RPL13: variants seen among roughly 807,000 people sequenced by gnomAD.
RPL13 encodes the protein ribosomal protein L13, also known as large ribosomal subunit protein eL13.
In RPL13, 1 loss-of-function variant was observed where a neutral mutation model predicts 21.4. The ratio of observed to expected loss-of-function variants is 0.05; its 90% confidence interval spans 0.02 to 0.22. RPL13 has a LOEUF of 0.22. Ranked by LOEUF, RPL13 falls within the 10% of genes least tolerant of loss-of-function variation. RPL13 has a pLI of 1.00. For synonymous variants in RPL13, 143 were observed against 120.5 expected, an observed-to-expected ratio of 1.19 and a Z score of -1.23; for missense variants, 289 against 303.0, an observed-to-expected ratio of 0.95 and a Z score of 0.34.
intron 2 of RPL13, 43 bp from the exon 3 acceptor site, chr16:89,561,184 G>T (rs1332182891): frequency 6.6e-7 from 1 of 1,517,496 alleles, no homozygotes; most frequent in East Asian, 2.5e-5. Flanking sequence ...CTGGCCTGGC[G>T]GCCTTAGGCA....
chr16:89,562,889 T>C lies in RPL13; in HGVS notation c.483T>C (p.Tyr161=). ...AACCTGTCTTTCTCTTCTAGGTCTA[T>C]AAGAAGGAGAAAGCTCGAGTCATCA... ...TGPVMPVRNV[Y]KKEKARVITE... is the part of the protein sequence containing the mutation. Residue 161 remains tyrosine (Y), a synonymous_variant, in exon 6 of 6, where the codon TAT becomes TAC. Coordinates refer to ENST00000311528, the MANE Select transcript of RPL13 (RefSeq NM_000977.4). 1.9e-6 allele frequency: 3 copies of C among 1,570,938 alleles called. No individual in the cohort carries two copies. The highest frequency in any genetic ancestry group is 2.6e-6 in the Non-Finnish European group (3 of 1,162,226).
At chr16:89,561,837 G>C (rs2058747438) in intron 4 of RPL13, 86 bp downstream of exon 4, 2 of 1,452,966 alleles carry the variant, frequency 1.4e-6, no homozygotes, top group Non-Finnish European at 1.9e-6. Context: ...CCTGGGTCTT[G>C]CTGGGGTGAG....
rs887981148 is a variant in RPL13 at position 89,562,097 on chromosome 16, C to G, written c.421-238C>G. 5.1e-6 allele frequency: 3 copies of G among 592,070 alleles called. No individual in the cohort carries two copies. The African/African-American group carries it at 5.6e-5, about 11-fold the overall frequency. The allele number at this position is 592,070 out of a possible 1,614,324, so 36.7% of individuals were successfully genotyped here. A position where few individuals can be genotyped will look rare whatever the true frequency, so the allele number is the denominator to read the frequency against. ...TAAATTAGGGAACAGTTTTCTCTGC[C>G]CCGCCCGTGGTTCACAGGTAGATAA... On this transcript the variant is annotated intron_variant, in intron 4 of 5. Transcript: ENST00000311528.
intron 4 of RPL13, 113 bp from the exon 5 acceptor site, chr16:89,562,222 T>C: frequency 1.0e-6 from 1 of 959,284 alleles, no homozygotes; most frequent in Admixed American, 2.2e-5. Flanking sequence ...TAGAAAAGGC[T>C]CAGACACTGG....
At chr16:89,561,880 C>A in intron 4 of RPL13, 129 bp downstream of exon 4, 1 of 1,022,400 alleles carries the variant, frequency 9.8e-7, no homozygotes, top group Non-Finnish European at 1.4e-6. Flanking sequence ...ATGAGCTAAG[C>A]GGGACTGCTA....
intron 2 of RPL13, 81 bp downstream of exon 2, chr16:89,561,144 G>C (rs910761287): frequency 6.6e-7 from 1 of 1,518,276 alleles, no homozygotes; most frequent in African/African-American, 1.4e-5. Context: ...TGCCAGGGCG[G>C]GGGGCGCTGT....
At chr16:89,561,409 G>T in intron 3 of RPL13, 41 bp downstream of exon 3, 1 of 1,612,382 alleles carries the variant, frequency 6.2e-7, no homozygotes, top group South Asian at 1.1e-5. Context: ...AGGCCCCGAA[G>T]TCCCCTCTGT....
At chr16:89,561,146 G>C (rs1478733385) in intron 2 of RPL13, 81 bp from the exon 3 acceptor site, 1 of 1,517,332 alleles carries the variant, frequency 6.6e-7, no homozygotes, top group African/African-American at 1.4e-5. Flanking sequence ...CCAGGGCGGG[G>C]GGCGCTGTCT....
rs2058742739 is a variant in RPL13 at position 89,561,337 on chromosome 16, C to T, written c.215C>T (p.Ala72Val). Reference protein sequence around the residue: ...PTVRYHTKVRAGRGFSLEELR... With the variant: ...PTVRYHTKVRVGRGFSLEELR... ...GTTCGGTACCACACGAAGGTGCGCG[C>T]CGGCCGCGGCTTCAGCCTGGAGGAG... The change falls in exon 3 of 6, where the codon GCC (alanine) becomes GTC (valine). Residue 72 changes from alanine (A) to valine (V), a missense_variant. Transcript: ENST00000311528. The T allele has an allele frequency of 1.2e-6, 2 of 1,600,578 alleles. No individual in the cohort carries two copies. Among genetic ancestry groups the T allele is most frequent in the Non-Finnish European group, 1.7e-6 (2 of 1,177,670 alleles).
At chr16:89,562,472 G>T in intron 5 of RPL13, 81 bp downstream of exon 5, 1 of 1,378,046 alleles carries the variant, frequency 7.3e-7, no homozygotes, top group Non-Finnish European at 1.0e-6. Flanking sequence ...CGGGTGATGG[G>T]GGTCAGGCTT....
At position 89,564,084 on chromosome 16, in the gene RPL13, ACAG is replaced by A. The variant is rs1363886284; in HGVS notation, c.*1048_*1050del. The A allele has an allele frequency of 6.6e-6, 1 of 152,306 alleles. No individual in the cohort carries two copies. The highest frequency in any genetic ancestry group is 2.4e-5 in the African/African-American group (1 of 41,458). 9.4% of individuals were successfully genotyped at this position (152,306 alleles called of 1,614,324 possible). A position where few individuals can be genotyped will look rare whatever the true frequency, so the allele number is the denominator to read the frequency against. ...CAGCCTGCCCTAGTCCTACCAGCTC[ACAG>A]CAGCACCTGCTCTCCTTGGCAGCTA... On this transcript the variant is annotated 3_prime_UTR_variant, in exon 6 of 6. Transcript: ENST00000311528.
intron 1 of RPL13, 29 bp downstream of exon 1, chr16:89,560,741 GCAT>G: frequency 2.0e-6 from 1 of 509,372 alleles, no homozygotes. Context: ...TGGCCTTTGG[GCAT>G]CATCCAGCGC....
In RPL13 at chr16:89,562,662, C is replaced by G. The variant is rs34414057; in HGVS notation, c.478-222C>G. ...TGCTGCTTACATTGGTTTTGAATTG[C>G]TGGGTTTACAGGCTTGAGCCGCCAT... On this transcript the variant is annotated intron_variant, in intron 5 of 5. Transcript: ENST00000311528. 0.17 allele frequency: 97,407 copies of G among 571,428 alleles called. 8,857 individuals are homozygous for G. Among genetic ancestry groups the G allele is most frequent in the Middle Eastern group, 0.2 (445 of 2,234 alleles). The allele number at this position is 571,428 out of a possible 1,614,324, so 35.4% of individuals were successfully genotyped here. A position where few individuals can be genotyped will look rare whatever the true frequency, so the allele number is the denominator to read the frequency against.
rs760130131 is a variant in RPL13, at chr16:89,561,272, C to A, written c.150C>A (p.Pro50=). 1.1e-5 allele frequency: 17 copies of A among 1,558,396 alleles called. No individual in the cohort carries two copies. Among genetic ancestry groups the A allele is most frequent in the South Asian group, 3.5e-5 (3 of 86,934 alleles). Residue 50 remains proline, a synonymous_variant, in exon 3 of 6, where the codon CCC becomes CCA. Coordinates refer to ENST00000311528, the MANE Select transcript of RPL13 (RefSeq NM_000977.4). ...AGGCGCGCCGCATCGCCCCGCGCCC[C>A]GCGTCGGGTCCCATCCGGCCCATCG... ...QAKARRIAPR[P]ASGPIRPIVR...
At chr16:89,561,949 C>T in intron 4 of RPL13, 198 bp downstream of exon 4, 4 of 659,560 alleles carry the variant, frequency 6.1e-6, no homozygotes, top group Non-Finnish European at 1.0e-5. Context: ...GGCTGTGTGA[C>T]TTGGAGGCAG....
chr16:89,561,673 G>T lies in RPL13; in HGVS notation c.342G>T (p.Val114=). 1.2e-6 allele frequency: 2 copies of T among 1,613,934 alleles called. No individual in the cohort carries two copies. Among genetic ancestry groups the T allele is most frequent in the Non-Finnish European group, 1.7e-6 (2 of 1,180,046 alleles). The change falls in exon 4 of 6, where the codon GTG becomes GTT. Residue 114 remains valine, a synonymous_variant. Coordinates refer to ENST00000311528, the MANE Select transcript of RPL13 (RefSeq NM_000977.4). ...CCACGGAGTCCCTGCAGGCCAACGT[G>T]CAGCGGCTGAAGGAGTACCGCTCCA... ...NKSTESLQAN[V]QRLKEYRSKL...
At chr16:89,562,313 A>C (rs2058751150) in intron 4 of RPL13, 22 bp from the exon 5 acceptor site, 1 of 1,613,108 alleles carries the variant, frequency 6.2e-7, no homozygotes, top group African/African-American at 1.3e-5. Context: ...AACCCCACTT[A>C]ACTCTTCTCA....
At chr16:89,561,478 A>AT in intron 3 of RPL13, 100 bp from the exon 4 acceptor site, 1 of 1,612,208 alleles carries the variant, frequency 6.2e-7, no homozygotes, top group Non-Finnish European at 8.5e-7. Flanking sequence ...ATGAAAGCAC[A>AT]TTTGAACCCT....
downstream of RPL13, chr16:89,565,773 C>T (rs1421473826): frequency 6.6e-6 from 1 of 152,266 alleles, no homozygotes; most frequent in African/African-American, 2.4e-5. Context: ...TTCCGCCGGC[C>T]CTGAGGGGCA....
Sources: gnomAD v4.1 joint callset for allele counts on GRCh38, gnomAD v4.1.1 for gene constraint, MANE v1.5 for transcripts, NCBI Gene and HGNC (gene_info 2026-07-23, HGNC 2026-07-21) for gene names.